The following CCNY variants were observed in gnomAD, a reference collection of about 807,000 sequenced individuals.
CCNY encodes the protein cyclin-Y.
Under a neutral mutation model 42.8 loss-of-function variants are expected in CCNY, and 19 were observed. That is an observed-to-expected ratio of 0.44 (90% confidence interval 0.31 to 0.65). CCNY has a LOEUF of 0.65. Ranked by LOEUF, CCNY falls within the 30% of genes least tolerant of loss-of-function variation. The pLI is 0.07. For missense variants in CCNY, 370 were observed against 437.3 expected (o/e 0.85, Z 1.37); for synonymous variants, 165 against 162.7 (o/e 1.01, Z -0.11).
At chr10:35,514,492 GCA>G (rs1840389204) in intron 3 of CCNY, among the ~76,000 whole-genome samples, 2 of 152,098 alleles carry the variant, frequency 1.3e-5, no homozygotes, top group African/African-American at 4.8e-5. Context: ...TAGGGATGGT[GCA>G]CACAGAGGGG....
At chr10:35,267,004 C>G (rs958145144) in intron 3 of CCNY, among the ~76,000 whole-genome samples, 1 of 151,086 alleles carries the variant, frequency 6.6e-6, no homozygotes, top group Non-Finnish European at 1.5e-5. Flanking sequence ...ATCGCTTGTA[C>G]CTGGGAGGCG....
chr10:35,275,127 G>A (rs530378176), intron 3 of CCNY, among the ~76,000 whole-genome samples: 5 of 126,342 alleles, frequency 4.0e-5, no homozygotes, highest in Admixed American at 9.6e-5. Flanking sequence ...GCATTGGTGT[G>A]ATCTTGGCTC....
chr10:35,382,274 T>C (rs1450152031), intron 1 of CCNY, among the ~76,000 whole-genome samples: 2 of 152,200 alleles, frequency 1.3e-5, no homozygotes, highest in African/African-American at 4.8e-5. Context: ...CAGCTTTGTC[T>C]CACTTTGATA....
chr10:35,344,990 G>T (rs1021697334), intron 1 of CCNY, among the ~76,000 whole-genome samples: 3 of 152,074 alleles, frequency 2.0e-5, no homozygotes, highest in Non-Finnish European at 2.9e-5. Flanking sequence ...GGACATTTGG[G>T]TTGGTTCCAA....
chr10:35,274,628 A>G (rs1835216140), intron 3 of CCNY, among the ~76,000 whole-genome samples: 1 of 152,182 alleles, frequency 6.6e-6, no homozygotes, highest in Non-Finnish European at 1.5e-5. Flanking sequence ...CCAATGTCTT[A>G]TTCTGTGGAA....
At chr10:35,507,105 G>GC in intron 3 of CCNY, among the ~76,000 whole-genome samples, 1 of 152,256 alleles carries the variant, frequency 6.6e-6, no homozygotes, top group East Asian at 1.9e-4. Flanking sequence ...CCATCACCTT[G>GC]CTCAGGGACT....
Position 35,483,394 on chromosome 10 carries a change from T to C in CCNY, c.155-10T>C. On this transcript the variant is annotated splice_polypyrimidine_tract_variant and intron_variant, in intron 1 of 9. Transcript: ENST00000374704. ...GTTTATTCATATAATTTATTTTCCT[T>C]TCTTTAAAGATTTGAACATGGAATT... is the stretch of plus-strand genomic sequence containing the variant. The C allele has an allele frequency of 6.4e-7, 1 of 1,571,630 alleles. No individual in the cohort carries two copies. Among genetic ancestry groups the C allele is most frequent in the Non-Finnish European group, 8.7e-7 (1 of 1,144,518 alleles).
At position 35,530,796 on chromosome 10, in the gene CCNY, G is replaced by T. The variant is rs1790250252; in HGVS notation, c.579+553G>T. ...AATAAAAATTTGTTTTTACAGCTGG[G>T]CTCCATGGCTCACGTCAGTAATTTC... On this transcript the variant is annotated intron_variant, in intron 7 of 9. Transcript: ENST00000374704. This position sits in a 1 kb window ranked among gnomAD's most constrained non-coding sequence, Gnocchi z 4.3. Among the ~76,000 whole-genome samples the T allele has an allele frequency of 6.6e-6, 1 of 152,136 alleles. No homozygotes were observed. Among genetic ancestry groups the T allele is most frequent in the Admixed American group, 6.5e-5 (1 of 15,286 alleles).
chr10:35,545,556 G>T lies in CCNY; in HGVS notation c.580-7463G>T, dbSNP rs181758707. On this transcript the variant is annotated intron_variant, in intron 7 of 9. Transcript: ENST00000374704. ...CCCCAATCATATTGTGTTAGGTCCT[G>T]CCCTAATGACCTCGTTTTAACTCCA... Among the ~76,000 whole-genome samples, 8 of 152,268 alleles carry T rather than the reference G, an allele frequency of 5.3e-5. No individual in the cohort carries two copies. The East Asian group carries it at 1.5e-3, about 29-fold the overall frequency.
chr10:35,424,908 C>A (rs1240143392), intron 1 of CCNY, among the ~76,000 whole-genome samples: 1 of 152,162 alleles, frequency 6.6e-6, no homozygotes, highest in African/African-American at 2.4e-5. Context: ...GTTGGGGAGT[C>A]TAAGTGAAGA....
intron 2 of CCNY, among the ~76,000 whole-genome samples, chr10:35,491,502 C>T (rs11010210): frequency 0.37 from 56,562 of 152,126 alleles, 13,238 homozygotes; most frequent in Non-Finnish European, 0.51. Context: ...TGTTTTCTGC[C>T]GCCTGGTAGA....
intron 3 of CCNY, among the ~76,000 whole-genome samples, chr10:35,259,629 A>AGTAGCTGG (rs1342659190): frequency 6.8e-6 from 1 of 147,470 alleles, no homozygotes; most frequent in Non-Finnish European, 1.5e-5. Flanking sequence ...CAGCCTTCCA[A>AGTAGCTGG]GTAGCTGGGA....
intron 3 of CCNY, among the ~76,000 whole-genome samples, chr10:35,323,872 A>G (rs1287121741): frequency 2.0e-5 from 3 of 152,042 alleles, no homozygotes; most frequent in African/African-American, 7.2e-5. Flanking sequence ...TACAAAAATT[A>G]GCAGGGCATG....
chr10:35,565,953 A>G (rs989907604), intron 8 of CCNY, 70 bp from the exon 9 acceptor site: 2 of 1,498,898 alleles, frequency 1.3e-6, no homozygotes, highest in Non-Finnish European at 9.0e-7. Context: ...GTCTCCAGCA[A>G]CTTGCCTTGG....
intron 3 of CCNY, among the ~76,000 whole-genome samples, chr10:35,299,824 T>C (rs1835512286): frequency 6.6e-6 from 1 of 152,250 alleles, no homozygotes; most frequent in South Asian, 2.1e-4. Flanking sequence ...CATATGTTTT[T>C]ATTTTTTTCT....
intron 3 of CCNY, among the ~76,000 whole-genome samples, chr10:35,319,456 A>AGAT (rs200365753): frequency 0.01 from 1,550 of 152,364 alleles, 23 homozygotes; most frequent in African/African-American, 0.035. Context: ...GGAATGAAAT[A>AGAT]GATATCACCA....
At position 35,419,805 on chromosome 10, in the gene CCNY, T is replaced by G. The variant is rs533542559; in HGVS notation, c.155-63599T>G. ...GTGTGTGGTATATAATACTTTAGGTTTTGATACTTTTAGGTCATTCATACA... is the reference window on the plus strand; with the variant it reads ...GTGTGTGGTATATAATACTTTAGGTGTTGATACTTTTAGGTCATTCATACA... On this transcript the variant is annotated intron_variant, in intron 1 of 9. Coordinates refer to ENST00000374704, the MANE Select transcript of CCNY (RefSeq NM_145012.6). Among the ~76,000 whole-genome samples, 7 of 152,232 alleles carry G rather than the reference T, an allele frequency of 4.6e-5. No individual in the cohort carries two copies. The South Asian group carries it at 1.2e-3, about 27-fold the overall frequency.
chr10:35,454,335 T>C (rs913526928), intron 1 of CCNY, among the ~76,000 whole-genome samples: 13 of 152,196 alleles, frequency 8.5e-5, no homozygotes, highest in African/African-American at 2.9e-4. Context: ...GAGAGGCACA[T>C]GATCTGCAGG....
At chr10:35,524,643 A>G (rs1183210474) in intron 4 of CCNY, among the ~76,000 whole-genome samples, 2 of 152,234 alleles carry the variant, frequency 1.3e-5, no homozygotes, top group South Asian at 2.1e-4. Context: ...CCTCCTCAAT[A>G]CATTTTAATG....
Sources: gnomAD v4.1 joint callset for allele counts (sites outside exome capture counted in the v4.1 genomes callset) on GRCh38, gnomAD v4.1.1 for gene constraint, Gnocchi (gnomAD v3.1) non-coding constraint, MANE v1.5 for transcripts, NCBI Gene and HGNC (gene_info 2026-07-23, HGNC 2026-07-21) for gene names.